The following OSBPL9 variants were observed in gnomAD, a reference collection of about 807,000 sequenced individuals.
The protein encoded by OSBPL9 is oxysterol-binding protein-related protein 9.
A neutral mutation model predicts 106.6 loss-of-function variants in OSBPL9; 40 were observed. The observed-to-expected ratio is 0.38, with a 90% CI of 0.29 to 0.49. OSBPL9 has a LOEUF of 0.49. Ranked by LOEUF, OSBPL9 falls within the 20% of genes least tolerant of loss-of-function variation. The pLI, the probability that OSBPL9 is intolerant of heterozygous loss-of-function variation, is 0.97. For missense variants in OSBPL9, 609 were observed against 887.2 expected (o/e 0.69, Z 3.98); for synonymous variants, 269 against 295.4 (o/e 0.91, Z 0.92).
chr1:51,624,527 G>T (rs374881016), intron 1 of OSBPL9, among the ~76,000 whole-genome samples: 1 of 151,954 alleles, frequency 6.6e-6, no homozygotes, highest in Non-Finnish European at 1.5e-5. Context: ...GGCAAAACCC[G>T]TGAGCTGAGA....
At chr1:51,740,719 G>T (rs1456281963) in intron 4 of OSBPL9, among the ~76,000 whole-genome samples, 1 of 151,900 alleles carries the variant, frequency 6.6e-6, no homozygotes, top group Non-Finnish European at 1.5e-5. Flanking sequence ...TTATTCATTT[G>T]TGAATTTCTT....
chr1:51,648,934 C>T (rs576909435), intron 1 of OSBPL9, among the ~76,000 whole-genome samples: 181 of 152,240 alleles, frequency 1.2e-3, no homozygotes, highest in African/African-American at 3.9e-3. Flanking sequence ...TCTTATTTAA[C>T]GGTGTTATTT....
intron 12 of OSBPL9, among the ~76,000 whole-genome samples, chr1:51,770,541 G>A (rs1357738318): frequency 6.6e-6 from 1 of 152,158 alleles, no homozygotes; most frequent in African/African-American, 2.4e-5. Flanking sequence ...GCCTCCCAAA[G>A]TGTTGGAATT....
At chr1:51,602,015 G>GTCCTTTTTTTTT (rs1557581345) in intron 2 of OSBPL9, among the ~76,000 whole-genome samples, 1 of 16,318 alleles carries the variant, frequency 6.1e-5, no homozygotes, top group African/African-American at 2.1e-4. Flanking sequence ...CATTCTTGGG[G>GTCCTTTTTTTTT]TTCTTTTTTT....
At chr1:51,564,997 A>T in the OSBPL9 span, among the ~76,000 whole-genome samples, 2 of 152,206 alleles carry the variant, frequency 1.3e-5, no homozygotes, top group African/African-American at 2.4e-5. Flanking sequence ...GAAGGCCCAG[A>T]CACTTTGCCT....
At chr1:51,728,679 A>C (rs967251985) in intron 4 of OSBPL9, among the ~76,000 whole-genome samples, 27 of 152,156 alleles carry the variant, frequency 1.8e-4, no homozygotes, top group African/African-American at 6.5e-4. Context: ...GCAGGTTAGC[A>C]TATTTATTCA....
intron 1 of OSBPL9, among the ~76,000 whole-genome samples, chr1:51,632,475 A>G (rs1645167142): frequency 7.4e-6 from 1 of 135,360 alleles, no homozygotes; most frequent in African/African-American, 2.8e-5. Context: ...GGGATACACT[A>G]GATTAATAGT....
the OSBPL9 span, among the ~76,000 whole-genome samples, chr1:51,552,982 C>CT: frequency 2.0e-5 from 3 of 150,740 alleles, no homozygotes; most frequent in Non-Finnish European, 3.0e-5. Flanking sequence ...AAAAAACAAA[C>CT]TTTTTTTTGT....
the OSBPL9 span, chr1:51,566,659 C>T: frequency 6.6e-6 from 1 of 152,200 alleles, no homozygotes. Context: ...CACAAACAAA[C>T]CTTACCACAC....
At chr1:51,705,348 C>T (rs1352154151) in intron 3 of OSBPL9, among the ~76,000 whole-genome samples, 1 of 128,254 alleles carries the variant, frequency 7.8e-6, no homozygotes, top group Non-Finnish European at 1.6e-5. Context: ...TTCAACCATT[C>T]TCCTCTGTAT....
intron 1 of OSBPL9, among the ~76,000 whole-genome samples, chr1:51,588,645 T>C (rs1010988067): frequency 6.6e-6 from 1 of 152,176 alleles, no homozygotes; most frequent in Non-Finnish European, 1.5e-5. Context: ...AGTGAAATCC[T>C]GTCTCAAAAA....
intron 1 of OSBPL9, among the ~76,000 whole-genome samples, chr1:51,637,484 ATAAATAAAAC>A (rs1450198691): frequency 6.6e-6 from 1 of 152,236 alleles, no homozygotes; most frequent in Non-Finnish European, 1.5e-5. Flanking sequence ...AAAAAAATAA[ATAAATAAAAC>A]TAAATAAAAT....
intron 14 of OSBPL9, among the ~76,000 whole-genome samples, chr1:51,776,442 G>A (rs1675090057): frequency 6.6e-6 from 1 of 152,148 alleles, no homozygotes; most frequent in Admixed American, 6.5e-5. Context: ...TAGGGCTATT[G>A]TAATATAATA....
chr1:51,656,831 A>AT (rs1453966340), intron 2 of OSBPL9, among the ~76,000 whole-genome samples: 7 of 148,246 alleles, frequency 4.7e-5, no homozygotes, highest in African/African-American at 7.5e-5. Context: ...GGCTAATTAA[A>AT]ATTTTTTTTT....
At chr1:51,614,643 T>C (rs563570809), upstream of OSBPL9, among the ~76,000 whole-genome samples, 14 of 151,994 alleles carry the variant, frequency 9.2e-5, no homozygotes, top group South Asian at 2.9e-3. Flanking sequence ...AGAACTAATA[T>C]TTATTTATTT....
At chr1:51,754,013 A>G (rs1571557112) in intron 8 of OSBPL9, among the ~76,000 whole-genome samples, 2 of 152,326 alleles carry the variant, frequency 1.3e-5, no homozygotes, top group East Asian at 3.9e-4. Flanking sequence ...CTCAGAAGAC[A>G]TCCCTCCCCT....
upstream of OSBPL9, among the ~76,000 whole-genome samples, chr1:51,575,716 T>G (rs1645179853): frequency 6.6e-6 from 1 of 152,168 alleles, no homozygotes; most frequent in Admixed American, 6.5e-5. Flanking sequence ...TGCTCTTCCA[T>G]ATCGACTATT....
intron 4 of OSBPL9, among the ~76,000 whole-genome samples, chr1:51,723,510 G>A (rs1662525392): frequency 6.6e-6 from 1 of 151,418 alleles, no homozygotes; most frequent in South Asian, 2.1e-4. Flanking sequence ...TTTCTTCCCT[G>A]TCTTCCTTCC....
rs537736622 is a variant in OSBPL9, at chr1:51,729,190, A to C, written c.318+15111A>C. On this transcript the variant is annotated intron_variant, in intron 4 of 23. Transcript: ENST00000428468. The surrounding 1 kb of genome is among the most constrained non-coding windows in gnomAD (Gnocchi z 5.1). ...CAGCAAGCCCACGATGTCTCACCGG[A>C]TTAATAAAAATATAGGCGCTCACGC... is the stretch of plus-strand genomic sequence containing the variant. The C allele has an allele frequency of 1.3e-5, 2 of 152,310 alleles. No homozygotes were observed. The highest frequency in any genetic ancestry group is 4.8e-5 in the African/African-American group (2 of 41,568). The allele number at this position is 152,310 out of a possible 1,614,324, so 9.4% of individuals were successfully genotyped here.
Sources: gnomAD v4.1 joint callset for allele counts (sites outside exome capture counted in the v4.1 genomes callset) on GRCh38, gnomAD v4.1.1 for gene constraint, Gnocchi (gnomAD v3.1) non-coding constraint, MANE v1.5 for transcripts, NCBI Gene and HGNC (gene_info 2026-07-23, HGNC 2026-07-21) for gene names.